GABRB1: variants seen among roughly 807,000 people sequenced by gnomAD.
The protein encoded by GABRB1 is gamma-aminobutyric acid type A receptor subunit beta1.
A neutral mutation model predicts 51.6 loss-of-function variants in GABRB1; 17 were observed. The ratio of observed to expected loss-of-function variants is 0.33; its 90% CI spans 0.23 to 0.49. GABRB1 has a LOEUF of 0.49. Ranked by LOEUF, GABRB1 falls within the 20% of genes least tolerant of loss-of-function variation. The pLI, the probability that GABRB1 is intolerant of heterozygous loss-of-function variation, is 0.99. For missense variants in GABRB1, 410 were observed against 600.6 expected, an observed-to-expected ratio of 0.68 and a Z score of 3.32; for synonymous variants, 247 against 218.9, an observed-to-expected ratio of 1.13 and a Z score of -1.14.
chr4:47,398,671 G>A (rs1333025287), intron 5 of GABRB1, among the ~76,000 whole-genome samples: 3 of 152,196 alleles, frequency 2.0e-5, no homozygotes, highest in Non-Finnish European at 2.9e-5. Flanking sequence ...CGCAATCTCC[G>A]CCTCCCAGGT....
chr4:47,220,959 A>G (rs1720745891), intron 4 of GABRB1, among the ~76,000 whole-genome samples: 1 of 152,044 alleles, frequency 6.6e-6, no homozygotes, highest in South Asian at 2.1e-4. Flanking sequence ...TTTAAAAAAT[A>G]GTATTAAGTG....
intron 4 of GABRB1, among the ~76,000 whole-genome samples, chr4:47,305,220 C>G (rs1222507247): frequency 2.0e-5 from 3 of 152,060 alleles, no homozygotes; most frequent in Admixed American, 1.3e-4. Flanking sequence ...CCTAAAATAT[C>G]TAGCTTAATT....
chr4:47,053,315 G>T (rs148159550), intron 3 of GABRB1, among the ~76,000 whole-genome samples: 1 of 152,220 alleles, frequency 6.6e-6, no homozygotes, highest in East Asian at 1.9e-4. Context: ...AACTGGGAAC[G>T]CCAAGATGAA....
At chr4:47,058,646 G>A (rs1726720365) in intron 3 of GABRB1, among the ~76,000 whole-genome samples, 2 of 152,260 alleles carry the variant, frequency 1.3e-5, no homozygotes, top group South Asian at 4.2e-4. Flanking sequence ...TGCAGGCTGA[G>A]GGAGCTGTTG....
At chr4:47,158,053 A>C (rs139027000) in intron 3 of GABRB1, among the ~76,000 whole-genome samples, 1 of 152,100 alleles carries the variant, frequency 6.6e-6, no homozygotes, top group Non-Finnish European at 1.5e-5. Context: ...CAAAGGTTTC[A>C]CCACATGGCA....
chr4:47,196,209 G>A (rs773165453), intron 4 of GABRB1, among the ~76,000 whole-genome samples: 66 of 152,190 alleles, frequency 4.3e-4, no homozygotes, highest in Non-Finnish European at 7.9e-4. Flanking sequence ...TGGGAAGAAA[G>A]TAGATTATCT....
At chr4:47,243,805 A>G (rs74179758) in intron 4 of GABRB1, among the ~76,000 whole-genome samples, 1 of 152,208 alleles carries the variant, frequency 6.6e-6, no homozygotes, top group South Asian at 2.1e-4. Flanking sequence ...GGGTTTTCTA[A>G]ATCTATAATC....
chr4:47,176,364 G>A (rs1718701864), intron 4 of GABRB1, among the ~76,000 whole-genome samples: 1 of 152,088 alleles, frequency 6.6e-6, no homozygotes, highest in African/African-American at 2.4e-5. Context: ...TTAGTGCACT[G>A]ATTGATTTGC....
upstream of GABRB1, among the ~76,000 whole-genome samples, chr4:47,027,577 T>C (rs1335513517): frequency 6.6e-6 from 1 of 151,506 alleles, no homozygotes; most frequent in Non-Finnish European, 1.5e-5. Context: ...AATATATCAC[T>C]AGAGGATAAA....
At chr4:47,260,942 C>A (rs1347025934) in intron 4 of GABRB1, among the ~76,000 whole-genome samples, 1 of 152,144 alleles carries the variant, frequency 6.6e-6, no homozygotes, top group Admixed American at 6.6e-5. Context: ...GAACCAAAGA[C>A]AAAAACCACA....
chr4:47,302,705 T>A (rs932668343), intron 4 of GABRB1, among the ~76,000 whole-genome samples: 5 of 152,018 alleles, frequency 3.3e-5, no homozygotes, highest in Admixed American at 2.6e-4. Flanking sequence ...TCTACTAAAA[T>A]GTAGCTCTAA....
At chr4:47,305,198 C>A (rs1420894004) in intron 4 of GABRB1, among the ~76,000 whole-genome samples, 1 of 152,060 alleles carries the variant, frequency 6.6e-6, no homozygotes, top group Non-Finnish European at 1.5e-5. Flanking sequence ...TAAAATTTAA[C>A]AATTGAGAGT....
intron 3 of GABRB1, among the ~76,000 whole-genome samples, chr4:47,105,961 G>A (rs1714950827): frequency 6.6e-6 from 1 of 152,036 alleles, no homozygotes; most frequent in Non-Finnish European, 1.5e-5. Flanking sequence ...ATCTGACATT[G>A]ACCATAGGTA....
intron 3 of GABRB1, among the ~76,000 whole-genome samples, chr4:47,111,069 T>C (rs190243436): frequency 6.6e-6 from 1 of 152,312 alleles, no homozygotes; most frequent in Admixed American, 6.5e-5. Context: ...CTCAGTGCGA[T>C]ATGGAAAAAA....
At position 47,287,992 on chromosome 4, in the gene GABRB1, C is replaced by T. The variant is rs536720084; in HGVS notation, c.462-32135C>T. On this transcript the variant is annotated intron_variant, in intron 4 of 8. Coordinates refer to ENST00000295454, the MANE Select transcript of GABRB1 (RefSeq NM_000812.4). ...GTCCCAGCCAGCAACTTGATTGCAACCTTGTGAAAGGGCTTGAGGCAGAGG... is the reference window on the plus strand; with the variant it reads ...GTCCCAGCCAGCAACTTGATTGCAATCTTGTGAAAGGGCTTGAGGCAGAGG... Among the ~76,000 whole-genome samples the T allele has an allele frequency of 3.9e-5, 6 of 152,268 alleles. No homozygotes were observed. In the East Asian group the frequency reaches 9.7e-4, roughly 25 times the overall value.
intron 4 of GABRB1, among the ~76,000 whole-genome samples, chr4:47,166,654 TG>T (rs1235643273): frequency 1.3e-5 from 2 of 152,144 alleles, no homozygotes; most frequent in African/African-American, 4.8e-5. Context: ...TAGTTATACA[TG>T]GATTTTTGAT....
intron 5 of GABRB1, among the ~76,000 whole-genome samples, chr4:47,377,861 T>C (rs944969396): frequency 2.6e-5 from 4 of 152,178 alleles, no homozygotes; most frequent in African/African-American, 9.7e-5. Flanking sequence ...AGGGTGCTGA[T>C]TGGTATGTTT....
chr4:47,335,602 A>G (rs1225642590), intron 5 of GABRB1, among the ~76,000 whole-genome samples: 3 of 152,188 alleles, frequency 2.0e-5, no homozygotes, highest in Non-Finnish European at 4.4e-5. Context: ...TAGTTTAATG[A>G]AGTTTAAGAA....
chr4:47,425,536 A>C, intron 8 of GABRB1, 138 bp from the exon 9 acceptor site: 1 of 609,402 alleles, frequency 1.6e-6, no homozygotes. Flanking sequence ...ATCTATCTCC[A>C]CATCAGGGAG....
Sources: allele counts gnomAD v4.1 joint callset (sites outside exome capture counted in the v4.1 genomes callset), GRCh38; gene constraint gnomAD v4.1.1; transcripts MANE v1.5; gene names NCBI Gene and HGNC (gene_info 2026-07-23, HGNC 2026-07-21).